Variants in ADGRG6 observed in about 807,000 individuals in gnomAD.
ADGRG6 encodes adhesion G protein-coupled receptor G6.
Under a neutral mutation model 142.4 loss-of-function variants are expected in ADGRG6, and 84 were observed. The ratio of observed to expected loss-of-function variants is 0.59; its 90% CI spans 0.49 to 0.71. The LOEUF (loss-of-function observed/expected upper bound fraction) is 0.71, where lower values mean the gene tolerates loss of function less well. Among genes scored for constraint, ADGRG6 ranks in the 30% least tolerant of loss-of-function variants. The pLI is 0.00. For synonymous variants in ADGRG6, 521 were observed against 520.5 expected, an observed-to-expected ratio of 1.00 and a Z score of -0.01; for missense variants, 1,367 against 1,466.6, an observed-to-expected ratio of 0.93 and a Z score of 1.11.
intron 2 of ADGRG6, among the ~76,000 whole-genome samples, chr6:142,359,453 C>A (rs1479297466): frequency 2.0e-5 from 3 of 152,096 alleles, no homozygotes; most frequent in African/African-American, 4.8e-5. Context: ...CTGTCTTGTA[C>A]CTGCTGACCT....
At chr6:142,310,296 AATG>A (rs1467120807) in intron 2 of ADGRG6, among the ~76,000 whole-genome samples, 1 of 151,820 alleles carries the variant, frequency 6.6e-6, no homozygotes, top group East Asian at 1.9e-4. Flanking sequence ...GAGGAATGTG[AATG>A]ATATCTAAAA....
At chr6:142,354,688 G>A (rs549326945) in intron 2 of ADGRG6, among the ~76,000 whole-genome samples, 70 of 152,272 alleles carry the variant, frequency 4.6e-4, no homozygotes, top group African/African-American at 1.6e-3. Flanking sequence ...TAAAAGGGAC[G>A]TATTACAGAA....
intron 2 of ADGRG6, among the ~76,000 whole-genome samples, chr6:142,316,503 G>T (rs992810716): frequency 6.6e-6 from 1 of 152,138 alleles, no homozygotes; most frequent in Non-Finnish European, 1.5e-5. Flanking sequence ...AATTATTGAA[G>T]TAAAATATAG....
chr6:142,363,786 A>G (rs965940523), intron 2 of ADGRG6, among the ~76,000 whole-genome samples: 3 of 152,166 alleles, frequency 2.0e-5, no homozygotes, highest in African/African-American at 4.8e-5. Context: ...ATAGGAATCA[A>G]TTAGCAGTGA....
chr6:142,359,348 C>A (rs1042224698), intron 2 of ADGRG6, among the ~76,000 whole-genome samples: 1 of 151,832 alleles, frequency 6.6e-6, no homozygotes, highest in South Asian at 2.1e-4. Flanking sequence ...AAAATCTTAT[C>A]TCTGCCTACT....
At chr6:142,397,913 A>G (rs1389784232) in intron 10 of ADGRG6, among the ~76,000 whole-genome samples, 158 bp downstream of exon 10, 1 of 152,224 alleles carries the variant, frequency 6.6e-6, no homozygotes, top group Non-Finnish European at 1.5e-5. Context: ...AGCAGAAAAA[A>G]AAAATCAGCT....
intron 11 of ADGRG6, among the ~76,000 whole-genome samples, chr6:142,401,176 C>T (rs1775502504): frequency 6.6e-6 from 1 of 152,122 alleles, no homozygotes; most frequent in African/African-American, 2.4e-5. Flanking sequence ...TGGAAACTGC[C>T]TAAGCATAAA....
intron 2 of ADGRG6, among the ~76,000 whole-genome samples, chr6:142,330,932 CT>C (rs1425330467): frequency 6.6e-6 from 1 of 151,682 alleles, no homozygotes; most frequent in Non-Finnish European, 1.5e-5. Context: ...AGAATTGTTT[CT>C]TTAAAAAAAA....
intron 22 of ADGRG6, among the ~76,000 whole-genome samples, chr6:142,424,902 A>G (rs1776863950): frequency 6.6e-6 from 1 of 152,160 alleles, no homozygotes; most frequent in Non-Finnish European, 1.5e-5. Context: ...TCTAAGCTGA[A>G]ATCAGGAGGA....
intron 24 of ADGRG6, 65 bp downstream of exon 24, chr6:142,438,429 A>C: frequency 2.8e-6 from 3 of 1,086,636 alleles, no homozygotes; most frequent in Non-Finnish European, 4.0e-6. Flanking sequence ...TTGGCATATC[A>C]TGAAGATTGA....
chr6:142,405,292 T>C, intron 14 of ADGRG6: 1 of 454,482 alleles, frequency 2.2e-6, no homozygotes, highest in Non-Finnish European at 4.4e-6. Context: ...AATCAACAAG[T>C]TAACTTCAGT....
At chr6:142,441,933 A>T (rs144605766) in intron 24 of ADGRG6, among the ~76,000 whole-genome samples, 8 of 152,302 alleles carry the variant, frequency 5.3e-5, no homozygotes, top group African/African-American at 1.9e-4. Flanking sequence ...TCCATGAACC[A>T]TCTATTCTTC....
At chr6:142,428,044 T>A (rs529786075) in intron 22 of ADGRG6, among the ~76,000 whole-genome samples, 2 of 152,256 alleles carry the variant, frequency 1.3e-5, no homozygotes, top group South Asian at 4.1e-4. Context: ...AGATTTCTTG[T>A]CACATTTGTT....
chr6:142,365,814 G>T (rs193083913), intron 2 of ADGRG6, among the ~76,000 whole-genome samples: 5 of 152,208 alleles, frequency 3.3e-5, no homozygotes, highest in Admixed American at 3.3e-4. Context: ...ATAAAACATC[G>T]AATTAGTCCT....
Position 142,437,672 on chromosome 6 carries a change from T to G in ADGRG6, c.3421+137T>G. On this transcript the variant is annotated intron_variant, in intron 23 of 24. Transcript: ENST00000367609. Reference sequence around the variant, plus strand: ...AGCATGTGAAGATGCGTAGTTGGAATCATAGAATATCAGGGCTGGAAGAGA... The same window carrying G: ...AGCATGTGAAGATGCGTAGTTGGAAGCATAGAATATCAGGGCTGGAAGAGA... 3 of 605,762 alleles carry G rather than the reference T, an allele frequency of 5.0e-6. No homozygotes were observed. In the South Asian group the frequency reaches 5.7e-5, roughly 11 times the overall value. 37.5% of individuals were successfully genotyped at this position (605,762 alleles called of 1,614,324 possible).
chr6:142,410,013 C>A, intron 17 of ADGRG6, 94 bp downstream of exon 17: 1 of 522,202 alleles, frequency 1.9e-6, no homozygotes, highest in South Asian at 3.5e-5. Flanking sequence ...CACCCCAAAC[C>A]AGAGTGAGTC....
intron 1 of ADGRG6, 91 bp downstream of exon 1, chr6:142,302,422 G>T (rs974081143): frequency 5.4e-5 from 74 of 1,374,102 alleles, no homozygotes; most frequent in Non-Finnish European, 7.2e-5. Context: ...ACCCTCAAGA[G>T]AAATGATTTT....
chr6:142,368,001 T>C, intron 3 of ADGRG6, 91 bp downstream of exon 3: 1 of 700,362 alleles, frequency 1.4e-6, no homozygotes, highest in Non-Finnish European at 2.4e-6. Flanking sequence ...TTATGCTCTT[T>C]TATGTGAATG....
chr6:142,379,551 AG>A (rs1483508412), intron 4 of ADGRG6, among the ~76,000 whole-genome samples: 1 of 152,130 alleles, frequency 6.6e-6, no homozygotes, highest in African/African-American at 2.4e-5. Flanking sequence ...GCGGATCACG[AG>A]GTCAGGAGAT....
Sources: allele counts gnomAD v4.1 joint callset (sites outside exome capture counted in the v4.1 genomes callset), GRCh38; gene constraint gnomAD v4.1.1; transcripts MANE v1.5; gene names NCBI Gene and HGNC (gene_info 2026-07-23, HGNC 2026-07-21).